Variants in CCDC148 observed in about 807,000 individuals in gnomAD.
CCDC148 encodes the protein coiled-coil domain-containing protein 148.
Under a neutral mutation model 85.7 loss-of-function variants are expected in CCDC148, and 89 were observed. The ratio of observed to expected loss-of-function variants is 1.04; its 90% CI spans 0.87 to 1.24. The LOEUF is 1.24. Ranked by LOEUF, CCDC148 falls within the 50% of genes most tolerant of loss-of-function variation. The pLI is 0.00. For missense variants in CCDC148, 692 were observed against 671.7 expected (o/e 1.03, Z -0.33); for synonymous variants, 230 against 213.9 (o/e 1.08, Z -0.66).
chr2:158,278,033 A>C (rs1368699551), intron 9 of CCDC148, among the ~76,000 whole-genome samples: 6 of 152,226 alleles, frequency 3.9e-5, no homozygotes, highest in Non-Finnish European at 5.9e-5. Context: ...AACCTCAGTC[A>C]TTAGAGTGTC....
chr2:158,390,067 T>C (rs1685241959), intron 1 of CCDC148, among the ~76,000 whole-genome samples: 1 of 152,174 alleles, frequency 6.6e-6, no homozygotes, highest in Non-Finnish European at 1.5e-5. Context: ...AAGAAGTTAT[T>C]TTAAGAACTT....
chr2:158,263,388 C>T (rs1407582154), intron 9 of CCDC148, among the ~76,000 whole-genome samples: 1 of 151,894 alleles, frequency 6.6e-6, no homozygotes, highest in Non-Finnish European at 1.5e-5. Context: ...TTTAATAATA[C>T]TTTATTATCT....
intron 9 of CCDC148, among the ~76,000 whole-genome samples, chr2:158,276,304 T>C (rs778975279): frequency 2.0e-5 from 3 of 152,012 alleles, no homozygotes; most frequent in Admixed American, 6.6e-5. Context: ...CCTGGTGGCA[T>C]GCACCTGTAA....
At chr2:158,313,975 A>G in intron 7 of CCDC148, 81 bp from the exon 8 acceptor site, 1 of 1,345,886 alleles carries the variant, frequency 7.4e-7, no homozygotes, top group Non-Finnish European at 1.0e-6. Flanking sequence ...GCTACTAGCA[A>G]GTGATAGTAA....
At chr2:158,425,216 G>C (rs1351630387) in intron 1 of CCDC148, 1 of 536,022 alleles carries the variant, frequency 1.9e-6, no homozygotes, top group African/African-American at 1.9e-5. Context: ...ACTATGCACA[G>C]GTGTATGCAG....
At chr2:158,296,325 CT>C (rs1263449425) in intron 9 of CCDC148, among the ~76,000 whole-genome samples, 6 of 152,102 alleles carry the variant, frequency 3.9e-5, no homozygotes, top group African/African-American at 1.4e-4. Context: ...TTTCATAGGA[CT>C]ACCCTTTCTT....
chr2:158,334,577 C>A (rs879432694), intron 7 of CCDC148, among the ~76,000 whole-genome samples: 1 of 83,822 alleles, frequency 1.2e-5, no homozygotes, highest in African/African-American at 5.1e-5. Context: ...CATATCTTAA[C>A]GCACCTGGAG....
chr2:158,228,750 T>C (rs1559000994), intron 10 of CCDC148, among the ~76,000 whole-genome samples: 3 of 140,010 alleles, frequency 2.1e-5, no homozygotes, highest in Non-Finnish European at 4.5e-5. Context: ...TAGGTGGGAA[T>C]TGAACAATGA....
At chr2:158,194,342 T>G (rs113439762) in intron 11 of CCDC148, among the ~76,000 whole-genome samples, 4 of 152,180 alleles carry the variant, frequency 2.6e-5, no homozygotes, top group Non-Finnish European at 5.9e-5. Context: ...ATTGTCACAG[T>G]TGGGCCATGA....
intron 10 of CCDC148, among the ~76,000 whole-genome samples, chr2:158,244,839 A>G (rs561090798): frequency 6.6e-6 from 1 of 152,232 alleles, no homozygotes; most frequent in South Asian, 2.1e-4. Context: ...TTAGAAGCCT[A>G]CTTATTTTGG....
At chr2:158,304,576 C>A (rs1203909426) in intron 9 of CCDC148, among the ~76,000 whole-genome samples, 1 of 152,080 alleles carries the variant, frequency 6.6e-6, no homozygotes, top group Non-Finnish European at 1.5e-5. Context: ...TTACCATTAG[C>A]CAGTGGTTTC....
At chr2:158,263,088 G>A (rs374921737) in intron 9 of CCDC148, among the ~76,000 whole-genome samples, 3 of 151,912 alleles carry the variant, frequency 2.0e-5, no homozygotes, top group South Asian at 4.1e-4. Context: ...TTTTATCAAG[G>A]AGGCAAGCTA....
At chr2:158,456,343 C>T in intron 1 of CCDC148, 72 bp downstream of exon 1, 9 of 1,512,106 alleles carry the variant, frequency 6.0e-6, no homozygotes, top group Non-Finnish European at 8.2e-6. Context: ...AGAGAACAAA[C>T]ATAAGTAGGA....
At chr2:158,321,653 C>T (rs765045562) in intron 7 of CCDC148, among the ~76,000 whole-genome samples, 4 of 152,168 alleles carry the variant, frequency 2.6e-5, no homozygotes, top group Non-Finnish European at 4.4e-5. Flanking sequence ...TCTCTTTCTT[C>T]TGTCTTGTAT....
intron 10 of CCDC148, among the ~76,000 whole-genome samples, chr2:158,250,398 G>T (rs893158442): frequency 2.7e-4 from 41 of 151,754 alleles, no homozygotes; most frequent in African/African-American, 8.7e-4. Flanking sequence ...GGATGTTTTT[G>T]GCAATTATTT....
At chr2:158,431,539 C>T (rs150551619) in intron 1 of CCDC148, among the ~76,000 whole-genome samples, 194 of 150,586 alleles carry the variant, frequency 1.3e-3, no homozygotes, top group African/African-American at 4.4e-3. Flanking sequence ...TGTGAAATAT[C>T]TTTGAAGAAT....
intron 10 of CCDC148, among the ~76,000 whole-genome samples, chr2:158,237,234 T>G (rs1170074462): frequency 1.3e-5 from 2 of 152,036 alleles, no homozygotes; most frequent in Non-Finnish European, 2.9e-5. Context: ...AGCAGAGAGG[T>G]AGATCACACA....
chr2:158,444,559 T>C (rs1450583448), intron 1 of CCDC148, among the ~76,000 whole-genome samples: 1 of 151,904 alleles, frequency 6.6e-6, no homozygotes, highest in East Asian at 1.9e-4. Context: ...GGTAGGAGGA[T>C]TGCTTGAGCC....
At chr2:158,280,623 A>G (rs1032582089) in intron 9 of CCDC148, among the ~76,000 whole-genome samples, 2 of 152,230 alleles carry the variant, frequency 1.3e-5, no homozygotes, top group African/African-American at 4.8e-5. Context: ...CCAGATTCAT[A>G]AAGCAAGTCC....
Sources: allele counts gnomAD v4.1 joint callset (sites outside exome capture counted in the v4.1 genomes callset), GRCh38; gene constraint gnomAD v4.1.1; transcripts MANE v1.5; gene names NCBI Gene and HGNC (gene_info 2026-07-23, HGNC 2026-07-21).